Variants in CAMSAP2 observed in about 807,000 individuals in gnomAD.
The protein encoded by CAMSAP2 is calmodulin-regulated spectrin-associated protein 2.
CAMSAP2 carries 26 observed loss-of-function variants against 146.1 expected under a neutral mutation model. That is an observed-to-expected ratio of 0.18 (90% CI 0.13 to 0.25). The LOEUF is 0.25. Among genes scored for constraint, CAMSAP2 ranks in the 10% least tolerant of loss-of-function variants. The pLI is 1.00. For missense variants in CAMSAP2, 1,381 were observed against 1,759.3 expected (o/e 0.78, Z 3.85); for synonymous variants, 499 against 596.6 (o/e 0.84, Z 2.38).
At chr1:200,787,900 G>C (rs1428332866) in intron 2 of CAMSAP2, among the ~76,000 whole-genome samples, 1 of 152,294 alleles carries the variant, frequency 6.6e-6, no homozygotes, top group Admixed American at 6.5e-5. Flanking sequence ...AGGCTTGGGT[G>C]ATTGTTAGCA....
intron 3 of CAMSAP2, among the ~76,000 whole-genome samples, chr1:200,815,258 T>G (rs1666450722): frequency 6.6e-6 from 1 of 152,214 alleles, no homozygotes; most frequent in Admixed American, 6.5e-5. Context: ...TTAGTTTGCT[T>G]CCTAAGCATT....
chr1:200,785,863 A>G (rs1196514791), intron 2 of CAMSAP2, among the ~76,000 whole-genome samples: 2 of 150,846 alleles, frequency 1.3e-5, no homozygotes, highest in East Asian at 2.0e-4. Context: ...AATTTTTTGT[A>G]TTTTTAGTAG....
intron 12 of CAMSAP2, 42 bp downstream of exon 12, chr1:200,852,719 T>C (rs929546435): frequency 5.0e-6 from 8 of 1,584,976 alleles, no homozygotes; most frequent in Non-Finnish European, 6.0e-6. Context: ...TGAACTTTAA[T>C]GATGCATGGG....
chr1:200,849,787 G>A lies in CAMSAP2; in HGVS notation c.3018G>A (p.Arg1006=). 16 of 1,614,192 alleles carry A rather than the reference G, an allele frequency of 9.9e-6. No homozygotes were observed. The highest frequency in any genetic ancestry group is 1.3e-5 in the Non-Finnish European group (15 of 1,180,026). The change falls in exon 11 of 17, where the codon AGG becomes AGA. Residue 1006 remains arginine, a synonymous_variant. Transcript: ENST00000358823. The surrounding 1 kb of genome is among the most constrained non-coding windows in gnomAD (Gnocchi z 6.3). The part of the protein sequence containing the change: ...RSVDSLPRLR[R]FSPSQVPIQT... ...TGGATAGCCTTCCTCGGTTAAGGAG[G>A]TTTTCACCAAGTCAAGTTCCTATTC...
At chr1:200,765,450 C>T (rs1355741180) in intron 2 of CAMSAP2, among the ~76,000 whole-genome samples, 7 of 151,970 alleles carry the variant, frequency 4.6e-5, no homozygotes, top group South Asian at 2.1e-4. Context: ...AGGCTGGTCT[C>T]GAGCTCCTGA....
At chr1:200,828,711 T>C in intron 4 of CAMSAP2, 4 of 1,046,436 alleles carry the variant, frequency 3.8e-6, no homozygotes, top group Non-Finnish European at 5.7e-6. Context: ...TGTTAGTCAT[T>C]GAATAGAGAT....
At chr1:200,784,719 C>T (rs1045102690) in intron 2 of CAMSAP2, among the ~76,000 whole-genome samples, 5 of 152,042 alleles carry the variant, frequency 3.3e-5, no homozygotes, top group African/African-American at 9.7e-5. Context: ...TCTTCCTTTC[C>T]ACTATGTATG....
rs1667571890 is a variant in CAMSAP2 at position 200,849,949 on chromosome 1, G to A, written c.3180G>A (p.Lys1060=). Reference sequence around the variant, plus strand: ...AGCGTGGACATAATCCAGAAGAAAAGGAAATCAAACCTTTTGAGTCAACAG... The same window carrying A: ...AGCGTGGACATAATCCAGAAGAAAAAGAAATCAAACCTTTTGAGTCAACAG... ...LEQRGHNPEE[K]EIKPFESTVS... Residue 1060 remains lysine (K), a synonymous_variant, in exon 11 of 17, where the codon AAG becomes AAA. Coordinates refer to ENST00000358823, the MANE Select transcript of CAMSAP2 (RefSeq NM_203459.4). The surrounding 1 kb of genome is among the most constrained non-coding windows in gnomAD (Gnocchi z 6.3). The A allele has an allele frequency of 1.2e-6, 2 of 1,614,068 alleles. No homozygotes were observed. Among genetic ancestry groups the A allele is most frequent in the Non-Finnish European group, 1.7e-6 (2 of 1,179,998 alleles).
intron 1 of CAMSAP2, among the ~76,000 whole-genome samples, chr1:200,746,795 T>C (rs547225261): frequency 1.3e-5 from 2 of 152,088 alleles, no homozygotes; most frequent in Admixed American, 6.5e-5. Context: ...ATTTTTTGTA[T>C]TTTTAGTAGA....
At chr1:200,829,024 G>A (rs545279715) in intron 4 of CAMSAP2, among the ~76,000 whole-genome samples, 426 of 151,924 alleles carry the variant, frequency 2.8e-3, no homozygotes, top group African/African-American at 9.4e-3. Flanking sequence ...GCGTGGTGGC[G>A]CATGCCTGTA....
intron 1 of CAMSAP2, among the ~76,000 whole-genome samples, chr1:200,752,131 T>A (rs115709852): frequency 6.6e-6 from 1 of 152,166 alleles, no homozygotes; most frequent in African/African-American, 2.4e-5. Flanking sequence ...AATTAAACAT[T>A]AATGCATGAC....
In CAMSAP2 at chr1:200,739,986, C is replaced by T. The variant is rs1046536435; in HGVS notation, c.139+20C>T. 1 of 1,612,632 alleles carries T rather than the reference C, an allele frequency of 6.2e-7. No individual in the cohort carries two copies. The highest frequency in any genetic ancestry group is 8.5e-7 in the Non-Finnish European group (1 of 1,179,058). The stretch of plus-strand genomic sequence containing the variant: ...GGACAGGTTAGTGGTGTCACCCTTT[C>T]CCTCCCCTCTTCCTCCTGATGTGGT... On this transcript the variant is annotated intron_variant, in intron 1 of 16. Transcript: ENST00000358823. This position sits in a 1 kb window ranked among gnomAD's most constrained non-coding sequence, Gnocchi z 4.8.
Position 200,815,609 on chromosome 1 carries a change from G to A in CAMSAP2, c.610G>A (p.Glu204Lys), listed in dbSNP as rs1181727772. Residue 204 changes from glutamate to lysine, a missense_variant, in exon 4 of 17, where the codon GAA becomes AAA. Physicochemically the swap from Glu to Lys is moderately conservative, Grantham distance 56 (BLOSUM62 1). Transcript: ENST00000358823. ...AATGGAACAAGAACAAAAACTGAAA[G>A]AACATCACACAGTTGAAGCTCCAGG... ...DIMEQEQKLK[E>K]HHTVEAPGGQ... 1 of 1,576,100 alleles carries A rather than the reference G, an allele frequency of 6.3e-7. No individual in the cohort carries two copies. Among genetic ancestry groups the A allele is most frequent in the Non-Finnish European group, 8.6e-7 (1 of 1,163,604 alleles).
chr1:200,744,791 T>C (rs1664274657), intron 1 of CAMSAP2, among the ~76,000 whole-genome samples: 1 of 152,100 alleles, frequency 6.6e-6, no homozygotes. Context: ...ATGGTTTGTG[T>C]GTAGACATGG....
chr1:200,857,333 C>G lies in CAMSAP2; in HGVS notation c.4040C>G (p.Ala1347Gly), dbSNP rs780645481. ...CCAAAGCTCTACAAAGAACCCAGTG[C>G]AAAATCCAATAAGCACATAATACAA... ...TGPKLYKEPS[A>G]KSNKHIIQNA... The change falls in exon 16 of 17, where the codon GCA (alanine) becomes GGA (glycine). Residue 1347 changes from alanine (A) to glycine (G), a missense_variant. Coordinates refer to ENST00000358823, the MANE Select transcript of CAMSAP2 (RefSeq NM_203459.4). The surrounding 1 kb of genome is among the most constrained non-coding windows in gnomAD (Gnocchi z 4.7). The G allele has an allele frequency of 8.7e-6, 14 of 1,612,968 alleles. No individual in the cohort carries two copies. The highest frequency in any genetic ancestry group is 1.3e-5 in the African/African-American group (1 of 74,830).
intron 2 of CAMSAP2, among the ~76,000 whole-genome samples, chr1:200,783,647 T>C (rs1665504668): frequency 6.6e-6 from 1 of 152,004 alleles, no homozygotes; most frequent in Non-Finnish European, 1.5e-5. Context: ...CATACCTGGC[T>C]AATTAAAAAA....
chr1:200,756,050 T>A (rs1664639418), intron 1 of CAMSAP2, among the ~76,000 whole-genome samples: 1 of 152,132 alleles, frequency 6.6e-6, no homozygotes, highest in Non-Finnish European at 1.5e-5. Context: ...CATAGCGGCC[T>A]GGGGAAAGTG....
chr1:200,762,385 C>T (rs1664825243), intron 2 of CAMSAP2, among the ~76,000 whole-genome samples: 2 of 152,182 alleles, frequency 1.3e-5, no homozygotes, highest in South Asian at 4.2e-4. Context: ...TTATAGTTAC[C>T]CTCTGACTTT....
At chr1:200,746,162 T>A (rs1664316302) in intron 1 of CAMSAP2, among the ~76,000 whole-genome samples, 1 of 152,218 alleles carries the variant, frequency 6.6e-6, no homozygotes, top group African/African-American at 2.4e-5. Context: ...AATGTATATT[T>A]TACCACAATT....
Sources: allele counts gnomAD v4.1 joint callset (sites outside exome capture counted in the v4.1 genomes callset), GRCh38; gene constraint gnomAD v4.1.1; non-coding constraint Gnocchi (gnomAD v3.1); transcripts MANE v1.5; gene names NCBI Gene and HGNC (gene_info 2026-07-23, HGNC 2026-07-21).